The following ZNF680 variants were observed in gnomAD, a reference collection of about 807,000 sequenced individuals.
ZNF680 encodes the protein hypothetical protein FLJ90430.
In ZNF680, 6 loss-of-function variants were observed where a neutral mutation model predicts 12.1. The observed-to-expected ratio is 0.49, with a 90% CI of 0.27 to 0.98. The LOEUF (loss-of-function observed/expected upper bound fraction) is 0.98, where lower values mean the gene tolerates loss of function less well. ZNF680 is among the 50% of genes least tolerant of loss of function. The pLI, the probability that ZNF680 is intolerant of heterozygous loss-of-function variation, is 0.12. For synonymous variants in ZNF680, 170 were observed against 199.3 expected, an observed-to-expected ratio of 0.85 and a Z score of 1.24; for missense variants, 561 against 616.3, an observed-to-expected ratio of 0.91 and a Z score of 0.95.
the ZNF680 span, among the ~76,000 whole-genome samples, chr7:64,509,815 T>C: frequency 6.6e-6 from 1 of 152,016 alleles, no homozygotes; most frequent in African/African-American, 2.4e-5. Context: ...CCTATCATGG[T>C]AGCCTGAACC....
rs766231157 is a variant in ZNF680 at position 64,520,518 on chromosome 7, ACT to A, written c.*641_*642del. 2 of 151,766 alleles carry A rather than the reference ACT, an allele frequency of 1.3e-5. No homozygotes were observed. The highest frequency in any genetic ancestry group is 3.0e-5 in the Non-Finnish European group (2 of 67,746). 9.4% of individuals were successfully genotyped at this position (151,766 alleles called of 1,614,324 possible). A position where few individuals can be genotyped will look rare whatever the true frequency, so the allele number is the denominator to read the frequency against. ...TGTAAATTATTTAATATTTACATAG[ACT>A]CAATTTTGGATTAAATATTTTTCAT... is the stretch of plus-strand genomic sequence containing the variant. On this transcript the variant is annotated 3_prime_UTR_variant, in exon 4 of 4. Coordinates refer to ENST00000309683, the MANE Select transcript of ZNF680 (RefSeq NM_178558.5).
At chr7:64,525,831 C>T in intron 3 of ZNF680, 1 of 984,560 alleles carries the variant, frequency 1.0e-6, no homozygotes, top group East Asian at 1.1e-4. Context: ...TGACTTCTCA[C>T]CTAGTCAAGA....
chr7:64,527,666 G>T (rs1280184181), intron 3 of ZNF680, among the ~76,000 whole-genome samples: 1 of 151,812 alleles, frequency 6.6e-6, no homozygotes, highest in Admixed American at 6.6e-5. Flanking sequence ...TTGCACTCCG[G>T]CCTGAGCAAC....
the ZNF680 span, among the ~76,000 whole-genome samples, chr7:64,502,004 T>TTC: frequency 9.7e-6 from 1 of 103,290 alleles, no homozygotes. Flanking sequence ...TTTCTTTTTT[T>TTC]TTTTTTTTTT....
chr7:64,508,123 GTATA>G, the ZNF680 span, among the ~76,000 whole-genome samples: 66 of 117,662 alleles, frequency 5.6e-4, 1 homozygote, highest in Middle Eastern at 0.025. Flanking sequence ...ATTTTAAAAT[GTATA>G]TATATATATA....
At chr7:64,506,077 T>G in the ZNF680 span, among the ~76,000 whole-genome samples, 1 of 152,024 alleles carries the variant, frequency 6.6e-6, no homozygotes, top group Admixed American at 6.5e-5. Context: ...AGTTACAGTT[T>G]TTTTACACTC....
At chr7:64,554,182 C>T (rs1470643840) in intron 1 of ZNF680, among the ~76,000 whole-genome samples, 1 of 150,640 alleles carries the variant, frequency 6.6e-6, no homozygotes, top group Non-Finnish European at 1.5e-5. Context: ...ATGTGGGGAG[C>T]GCCTCTGCCC....
At chr7:64,543,001 C>T (rs191141222) in intron 3 of ZNF680, among the ~76,000 whole-genome samples, 50 of 151,110 alleles carry the variant, frequency 3.3e-4, no homozygotes, top group South Asian at 8.4e-4. Flanking sequence ...GCCTGGCCAA[C>T]GCAAATAAAT....
At chr7:64,510,023 TAAA>T in the ZNF680 span, among the ~76,000 whole-genome samples, 2 of 105,898 alleles carry the variant, frequency 1.9e-5, no homozygotes, top group African/African-American at 7.7e-5. Context: ...CGTAAAACTC[TAAA>T]AAAAAAAAAA....
the ZNF680 span, among the ~76,000 whole-genome samples, chr7:64,509,841 A>T: frequency 6.6e-6 from 1 of 151,970 alleles, no homozygotes; most frequent in Non-Finnish European, 1.5e-5. Context: ...GAGAGAGAGA[A>T]GGAGGAGAAA....
At chr7:64,532,299 CAT>C (rs1785929395) in intron 3 of ZNF680, among the ~76,000 whole-genome samples, 1 of 148,022 alleles carries the variant, frequency 6.8e-6, no homozygotes, top group South Asian at 2.1e-4. Context: ...AGAGAGACTC[CAT>C]CTCAAAAAAA....
intron 1 of ZNF680, among the ~76,000 whole-genome samples, chr7:64,546,230 T>C (rs904548553): frequency 6.6e-6 from 1 of 152,164 alleles, no homozygotes; most frequent in Non-Finnish European, 1.5e-5. Context: ...ATTCTTCCTG[T>C]TTCTCCTTTT....
Position 64,522,166 on chromosome 7 carries a change from ATG to A in ZNF680, c.586_587del (p.His196SerfsTer10). 1 of 1,612,916 alleles carries A rather than the reference ATG, an allele frequency of 6.2e-7. No individual in the cohort carries two copies. Among genetic ancestry groups the A allele is most frequent in the Non-Finnish European group, 8.5e-7 (1 of 1,179,344 alleles). On this transcript the variant is annotated frameshift_variant, in exon 4 of 4. Coordinates refer to ENST00000309683, the MANE Select transcript of ZNF680 (RefSeq NM_178558.5). LOFTEE classifies it low-confidence loss of function (END_TRUNC). ...ECGKSFCMLS[H>X]LTQHIRIHTR... is the part of the protein sequence containing the mutation. ...TGTGAATTCTTATATGTTGTGTTAG[ATG>A]TGAAAGCATGCAAAATGATTTGCCA...
chr7:64,512,039 ACAAGAG>A, the ZNF680 span, among the ~76,000 whole-genome samples: 1 of 151,672 alleles, frequency 6.6e-6, no homozygotes, highest in Non-Finnish European at 1.5e-5. Context: ...AGCCCAGAAG[ACAAGAG>A]CAAGACTTGG....
At chr7:64,543,672 T>C (rs769526230) in intron 3 of ZNF680, 35 bp downstream of exon 3, 1 of 1,543,562 alleles carries the variant, frequency 6.5e-7, no homozygotes, top group Non-Finnish European at 8.9e-7. Context: ...CTCTCATCTG[T>C]GTCATCTGTT....
downstream of ZNF680, among the ~76,000 whole-genome samples, chr7:64,518,158 T>C (rs938730766): frequency 7.2e-5 from 11 of 152,028 alleles, no homozygotes; most frequent in African/African-American, 2.2e-4. Flanking sequence ...GATGATATGA[T>C]TGTATACCTA....
chr7:64,554,105 C>T (rs1787249770), intron 1 of ZNF680, among the ~76,000 whole-genome samples: 2 of 151,188 alleles, frequency 1.3e-5, no homozygotes, highest in Non-Finnish European at 3.0e-5. Context: ...GTGAGGAGCG[C>T]CTCTTCCCGG....
At chr7:64,524,147 A>AT (rs35895081) in intron 3 of ZNF680, among the ~76,000 whole-genome samples, 44,089 of 139,318 alleles carry the variant, frequency 0.32, 7,916 homozygotes, top group African/African-American at 0.47. Flanking sequence ...ACAAAGAAGA[A>AT]TTTTTTTTTT....
chr7:64,544,226 AAATT>A, intron 2 of ZNF680, 76 bp downstream of exon 2: 1 of 1,524,768 alleles, frequency 6.6e-7, no homozygotes. Flanking sequence ...TGCAAAGCAC[AAATT>A]ACCACAAGTT....
Sources: allele counts gnomAD v4.1 joint callset (sites outside exome capture counted in the v4.1 genomes callset), GRCh38; gene constraint gnomAD v4.1.1; transcripts MANE v1.5; gene names NCBI Gene and HGNC (gene_info 2026-07-23, HGNC 2026-07-21).